Variants in ZNF761 observed in about 807,000 individuals in gnomAD.
The protein encoded by ZNF761 is zinc finger protein 761.
A neutral mutation model predicts 59.9 loss-of-function variants in ZNF761; 43 were observed. That is an observed-to-expected ratio of 0.72 (90% CI 0.56 to 0.92). The LOEUF (loss-of-function observed/expected upper bound fraction) is 0.92. Ranked by LOEUF, ZNF761 falls within the 40% of genes least tolerant of loss-of-function variation. The probability of loss-of-function intolerance (pLI) is 0.00; values close to 1 mark genes in which losing one functional copy is unlikely to be tolerated. For synonymous variants in ZNF761, 294 were observed against 304.8 expected, an observed-to-expected ratio of 0.96 and a Z score of 0.37; for missense variants, 850 against 906.1, an observed-to-expected ratio of 0.94 and a Z score of 0.79.
At chr19:53,438,939 G>T (rs11882280) in intron 1 of ZNF761, among the ~76,000 whole-genome samples, 1 of 152,168 alleles carries the variant, frequency 6.6e-6, no homozygotes, top group African/African-American at 2.4e-5. Flanking sequence ...TTACTTGGCA[G>T]GGTATAGGCC....
At chr19:53,449,696 T>C in intron 4 of ZNF761, 58 bp downstream of exon 4, 1 of 1,591,944 alleles carries the variant, frequency 6.3e-7, no homozygotes. Context: ...TTGTATTTTC[T>C]CTTGTTTTTA....
rs556423964 is a variant in ZNF761 at position 53,432,905 on chromosome 19, G to A, written c.-185+877G>A. 1.4e-4 allele frequency among the ~76,000 whole-genome samples: 21 copies of A among 151,866 alleles called. No homozygotes were observed. The East Asian group carries it at 2.7e-3, about 20-fold the overall frequency. On this transcript the variant is annotated intron_variant, in intron 1 of 4. Coordinates refer to ENST00000684525, the MANE Select transcript of ZNF761 (RefSeq NM_001289951.2). ...TAGGGAGAGGGACAGCAAAGAGGGA[G>A]GCTCATCAGGGTGAGGGAGAGGAGG...
At chr19:53,433,457 T>TTGCAAACAG (rs1568796749) in intron 1 of ZNF761, among the ~76,000 whole-genome samples, 4 of 136,538 alleles carry the variant, frequency 2.9e-5, no homozygotes, top group East Asian at 2.1e-4. Context: ...GGCTTCGACT[T>TTGCAAACAG]CGCCAAGTCG....
At chr19:53,439,876 G>C (rs1224291766) in intron 1 of ZNF761, among the ~76,000 whole-genome samples, 1 of 152,140 alleles carries the variant, frequency 6.6e-6, no homozygotes, top group Non-Finnish European at 1.5e-5. Flanking sequence ...AACCCGAACA[G>C]GAGTTGCTTC....
chr19:53,436,811 T>C (rs2086047030), intron 1 of ZNF761, among the ~76,000 whole-genome samples: 1 of 152,196 alleles, frequency 6.6e-6, no homozygotes, highest in African/African-American at 2.4e-5. Context: ...CCTTAACTTA[T>C]CTTGAAAAGG....
At chr19:53,447,398 T>A (rs2086172248) in intron 3 of ZNF761, 115 bp downstream of exon 3, 10 of 1,397,714 alleles carry the variant, frequency 7.2e-6, no homozygotes, top group East Asian at 2.3e-5. Flanking sequence ...TTTGCTCACA[T>A]TCACCCATGC....
chr19:53,443,830 G>A (rs7260078), intron 1 of ZNF761: 56,825 of 151,872 alleles, frequency 0.37, 11,809 homozygotes, highest in African/African-American at 0.55. Flanking sequence ...GAAAGAAGAA[G>A]ACATAAGAAA....
At chr19:53,434,788 T>A (rs535999889) in intron 1 of ZNF761, among the ~76,000 whole-genome samples, 4 of 152,296 alleles carry the variant, frequency 2.6e-5, no homozygotes, top group Admixed American at 1.3e-4. Context: ...AGGCCATTGG[T>A]CTACTATGTT....
At position 53,456,212 on chromosome 19, in the gene ZNF761, C is replaced by T. The variant is rs562641290; in HGVS notation, c.1705C>T (p.Arg569Cys). The T allele has an allele frequency of 4.8e-5, 77 of 1,613,698 alleles. 1 individual carries two copies. In the South Asian group the frequency reaches 6.8e-4, roughly 14 times the overall value. Residue 569 changes from arginine (R) to cysteine (C), a missense_variant, in exon 5 of 5, where the codon CGT (arginine) becomes TGT (cysteine). Physicochemically the swap from Arg to Cys is radical, Grantham distance 180. Transcript: ENST00000684525. ...FNQQLTLKRH[R>C]RLHSGENPYK... is the part of the protein sequence containing the mutation. ...TCAGCAGTTAACCCTTAAACGCCATCGTAGACTTCATAGTGGAGAGAACCC... is the reference window on the plus strand; with the variant it reads ...TCAGCAGTTAACCCTTAAACGCCATTGTAGACTTCATAGTGGAGAGAACCC...
chr19:53,432,310 G>A (rs544668596), intron 1 of ZNF761, among the ~76,000 whole-genome samples: 40 of 152,258 alleles, frequency 2.6e-4, no homozygotes, highest in African/African-American at 9.6e-4. Context: ...CCCGCCCCGC[G>A]CTTTTTAAAG....
rs550327373 is a variant in ZNF761 at position 53,457,740 on chromosome 19, G to C, written c.*992G>C. On this transcript the variant is annotated 3_prime_UTR_variant, in exon 5 of 5. Coordinates refer to ENST00000684525, the MANE Select transcript of ZNF761 (RefSeq NM_001289951.2). ...ATCAGCTTACACCTGTAATCTGAGC[G>C]CTTTGGGAGGCCAAGGTGGGTAGAT... 6.1e-6 allele frequency: 1 copy of C among 163,904 alleles called. No individual in the cohort carries two copies. Among genetic ancestry groups the C allele is most frequent in the African/African-American group, 2.4e-5 (1 of 41,486 alleles). The allele number at this position is 163,904 out of a possible 1,614,324, so 10.2% of individuals were successfully genotyped here. A position where few individuals can be genotyped will look rare whatever the true frequency, so the allele number is the denominator to read the frequency against.
chr19:53,436,349 T>C (rs1411742392), intron 1 of ZNF761, among the ~76,000 whole-genome samples: 1 of 152,266 alleles, frequency 6.6e-6, no homozygotes, highest in African/African-American at 2.4e-5. Flanking sequence ...TATGGACTTC[T>C]TGCATGGCTG....
In ZNF761 at chr19:53,457,067, A is replaced by G; in HGVS notation, c.*319A>G. On this transcript the variant is annotated 3_prime_UTR_variant, in exon 5 of 5. Coordinates refer to ENST00000684525, the MANE Select transcript of ZNF761 (RefSeq NM_001289951.2). ...ATGCTAGAATTCACACTGGAGAGAAACCTTACCAGTGTAATGAGTGTGGCA... is the reference window on the plus strand; with the variant it reads ...ATGCTAGAATTCACACTGGAGAGAAGCCTTACCAGTGTAATGAGTGTGGCA... 1.6e-6 allele frequency: 1 copy of G among 624,806 alleles called. No individual in the cohort carries two copies. Among genetic ancestry groups the G allele is most frequent in the South Asian group, 1.7e-5 (1 of 60,488 alleles). 38.7% of individuals were successfully genotyped at this position (624,806 alleles called of 1,614,324 possible).
chr19:53,448,669 A>G (rs2617734), intron 3 of ZNF761, among the ~76,000 whole-genome samples: 26,434 of 151,530 alleles, frequency 0.17, 3,264 homozygotes, highest in African/African-American at 0.35. Flanking sequence ...GAGCACAGTG[A>G]CGTGATCTTA....
rs1568815947 is a variant in ZNF761 at position 53,455,130 on chromosome 19, T to C, written c.623T>C (p.Val208Ala). The C allele has an allele frequency of 6.2e-7, 1 of 1,614,182 alleles. No individual in the cohort carries two copies. Among genetic ancestry groups the C allele is most frequent in the Admixed American group, 1.7e-5 (1 of 60,032 alleles). ...NSSLLTQKQE[V>A]HMREKSFQCN... ...TCATTACTCACACAAAAACAGGAAG[T>C]ACACATGAGAGAAAAATCTTTCCAA... Residue 208 changes from valine (V) to alanine (A), a missense_variant, in exon 5 of 5, where the codon GTA (valine) becomes GCA (alanine). Physicochemically the swap from Val to Ala is moderately conservative, Grantham distance 64. Coordinates refer to ENST00000684525, the MANE Select transcript of ZNF761 (RefSeq NM_001289951.2).
intron 2 of ZNF761, among the ~76,000 whole-genome samples, chr19:53,446,774 G>A (rs1199247183): frequency 3.3e-5 from 5 of 152,166 alleles, no homozygotes; most frequent in African/African-American, 1.2e-4. Flanking sequence ...CTCCTAAGTA[G>A]CTTGGACAAC....
At chr19:53,454,567 G>GT (rs1410933716) in intron 4 of ZNF761, 83 bp from the exon 5 acceptor site, 22 of 1,389,432 alleles carry the variant, frequency 1.6e-5, no homozygotes, top group South Asian at 6.6e-5. Context: ...AATAACTATT[G>GT]TTTTTTGTGT....
chr19:53,436,605 T>G (rs1308427289), intron 1 of ZNF761, among the ~76,000 whole-genome samples: 2 of 152,212 alleles, frequency 1.3e-5, no homozygotes, highest in East Asian at 3.9e-4. Context: ...GCGCTTTACT[T>G]TCCTTGAACT....
At chr19:53,433,096 A>T (rs142670507) in intron 1 of ZNF761, among the ~76,000 whole-genome samples, 2,663 of 151,718 alleles carry the variant, frequency 0.018, 51 homozygotes, top group Middle Eastern at 0.054. Flanking sequence ...AAGGAGGCGC[A>T]GAGATGGTGT....
Sources: gnomAD v4.1 joint callset for allele counts (sites outside exome capture counted in the v4.1 genomes callset) on GRCh38, gnomAD v4.1.1 for gene constraint, MANE v1.5 for transcripts, NCBI Gene and HGNC (gene_info 2026-07-23, HGNC 2026-07-21) for gene names.